Variants in UBE4B observed in about 807,000 individuals in gnomAD.
UBE4B encodes ubiquitination factor E4B.
Under a neutral mutation model 148.1 loss-of-function variants are expected in UBE4B, and 27 were observed. That is an observed-to-expected ratio of 0.18 (90% confidence interval 0.13 to 0.25). The LOEUF (loss-of-function observed/expected upper bound fraction) is 0.25, where lower values mean the gene tolerates loss of function less well. Ranked by LOEUF, UBE4B falls within the 10% of genes least tolerant of loss-of-function variation. UBE4B has a pLI of 1.00. For missense variants in UBE4B, 1,170 were observed against 1,662.4 expected (o/e 0.70, Z 5.15); for synonymous variants, 596 against 619.3 (o/e 0.96, Z 0.56).
At chr1:10,179,305 C>T in intron 26 of UBE4B, 111 bp from the exon 27 acceptor site, 1 of 1,424,298 alleles carries the variant, frequency 7.0e-7, no homozygotes, top group Non-Finnish European at 9.5e-7. Flanking sequence ...CACAGGGGCC[C>T]TTTGATTGCT....
chr1:10,163,573 C>G (rs1250768754), intron 23 of UBE4B, among the ~76,000 whole-genome samples: 1 of 151,704 alleles, frequency 6.6e-6, no homozygotes, highest in Non-Finnish European at 1.5e-5. Context: ...GAGGCTGAGG[C>G]AGGATAATTG....
intron 1 of UBE4B, among the ~76,000 whole-genome samples, chr1:10,047,321 G>C (rs1238399117): frequency 6.6e-6 from 1 of 151,912 alleles, no homozygotes; most frequent in Non-Finnish European, 1.5e-5. Flanking sequence ...CCTGCTAGGG[G>C]GCCAGACTCA....
chr1:10,160,516 T>G (rs1241707915), intron 22 of UBE4B, among the ~76,000 whole-genome samples: 1 of 152,168 alleles, frequency 6.6e-6, no homozygotes, highest in Non-Finnish European at 1.5e-5. Flanking sequence ...TGTGACTGTT[T>G]CCTCTGTTGC....
chr1:10,139,568 A>C (rs1645753255), intron 17 of UBE4B, among the ~76,000 whole-genome samples: 1 of 152,172 alleles, frequency 6.6e-6, no homozygotes, highest in Non-Finnish European at 1.5e-5. Context: ...TATGGATTTA[A>C]GACAGTTAAT....
At chr1:10,158,010 T>C (rs1159431023) in intron 21 of UBE4B, among the ~76,000 whole-genome samples, 2 of 152,158 alleles carry the variant, frequency 1.3e-5, no homozygotes, top group African/African-American at 4.8e-5. Flanking sequence ...GTATGTCCAT[T>C]TGAGGTGCCA....
intron 2 of UBE4B, among the ~76,000 whole-genome samples, chr1:10,089,497 G>C (rs1234633630): frequency 7.2e-6 from 1 of 139,458 alleles, no homozygotes; most frequent in African/African-American, 2.8e-5. Context: ...CTGAGAACAT[G>C]TCTCTGAAAA....
chr1:10,178,526 T>C (rs1646460629), intron 25 of UBE4B, 118 bp from the exon 26 acceptor site: 1 of 998,428 alleles, frequency 1.0e-6, no homozygotes, highest in Non-Finnish European at 1.4e-6. Context: ...TATATAATTT[T>C]AGGGCTTTTT....
At chr1:10,036,726 T>A (rs1643551026) in intron 1 of UBE4B, among the ~76,000 whole-genome samples, 1 of 152,196 alleles carries the variant, frequency 6.6e-6, no homozygotes, top group South Asian at 2.1e-4. Flanking sequence ...GCCTTTGTAT[T>A]GTTACTCTGT....
chr1:10,163,346 T>C (rs1210512991), intron 23 of UBE4B: 1 of 152,144 alleles, frequency 6.6e-6, no homozygotes, highest in Non-Finnish European at 1.5e-5. Flanking sequence ...GAGGATGACA[T>C]GCAAATTCAT....
chr1:10,166,972 A>ACACACACAC (rs1557612300), intron 23 of UBE4B, among the ~76,000 whole-genome samples: 3 of 120,328 alleles, frequency 2.5e-5, no homozygotes, highest in African/African-American at 6.7e-5. Context: ...CACACACACA[A>ACACACACAC]AAAAAAAAAA....
chr1:10,117,690 T>A, intron 8 of UBE4B, 90 bp downstream of exon 8: 1 of 1,415,304 alleles, frequency 7.1e-7, no homozygotes, highest in Non-Finnish European at 9.3e-7. Flanking sequence ...ATTTATTCAA[T>A]CAGTAAAGCA....
At chr1:10,116,658 C>T (rs997526742) in intron 7 of UBE4B, among the ~76,000 whole-genome samples, 1 of 152,080 alleles carries the variant, frequency 6.6e-6, no homozygotes, top group African/African-American at 2.4e-5. Context: ...CAAATTTAAC[C>T]CTTGTGCTTA....
intron 2 of UBE4B, among the ~76,000 whole-genome samples, chr1:10,082,375 C>T (rs948123264): frequency 1.3e-5 from 2 of 152,030 alleles, no homozygotes; most frequent in East Asian, 1.9e-4. Flanking sequence ...GTAGTGCGCA[C>T]CTGTAGGCCC....
Position 10,072,446 on chromosome 1 carries a change from T to TC in UBE4B, c.211+233dup, listed in dbSNP as rs944959280. 8.8e-6 allele frequency: 6 copies of TC among 682,290 alleles called. No homozygotes were observed. In the African/African-American group the frequency reaches 1.1e-4, roughly 13 times the overall value. The allele number at this position is 682,290 out of a possible 1,614,324, so 42.3% of individuals were successfully genotyped here. On this transcript the variant is annotated intron_variant, in intron 2 of 27. Transcript: ENST00000343090. ...TCCATAACTTCCATCTTTTTTTTTT[T>TC]CAAACAGGTTTAGGTATTATCTCTG...
chr1:10,035,053 C>T (rs1003300943), intron 1 of UBE4B, among the ~76,000 whole-genome samples: 8 of 152,072 alleles, frequency 5.3e-5, no homozygotes, highest in Non-Finnish European at 1.2e-4. Flanking sequence ...GGCTGCAGTG[C>T]AGTGGCGCGA....
intron 7 of UBE4B, among the ~76,000 whole-genome samples, chr1:10,115,696 G>A (rs1645297167): frequency 6.6e-6 from 1 of 152,182 alleles, no homozygotes; most frequent in African/African-American, 2.4e-5. Context: ...TCGTTAGGCA[G>A]ATTGGTCATT....
intron 25 of UBE4B, among the ~76,000 whole-genome samples, chr1:10,175,290 C>T (rs1451991129): frequency 1.3e-5 from 2 of 151,984 alleles, no homozygotes; most frequent in South Asian, 2.1e-4. Flanking sequence ...ATCTGTCGTC[C>T]ATGAAGCATT....
rs1041272328 is a variant in UBE4B, at chr1:10,107,198, C to A, written c.1196+615C>A. 2.9e-5 allele frequency: 38 copies of A among 1,289,334 alleles called. No individual in the cohort carries two copies. The African/African-American group carries it at 5.6e-4, about 19-fold the overall frequency. The allele number at this position is 1,289,334 out of a possible 1,614,324, so 79.9% of individuals were successfully genotyped here. On this transcript the variant is annotated intron_variant, in intron 7 of 27. Coordinates refer to ENST00000343090, the MANE Select transcript of UBE4B (RefSeq NM_001105562.3). ...TTGTTTTTTCTTTGTTCTCTGATGGCCTTTTTTGCTTTTGTTGTGGTAGTA... is the reference window on the plus strand; with the variant it reads ...TTGTTTTTTCTTTGTTCTCTGATGGACTTTTTTGCTTTTGTTGTGGTAGTA...
chr1:10,122,104 A>G (rs765983079), intron 10 of UBE4B, 28 bp downstream of exon 10: 1 of 1,526,770 alleles, frequency 6.5e-7, no homozygotes, highest in South Asian at 1.2e-5. Flanking sequence ...TGCTCTTGCA[A>G]ATTTTAGCCT....
Sources: gnomAD v4.1 joint callset for allele counts (sites outside exome capture counted in the v4.1 genomes callset) on GRCh38, gnomAD v4.1.1 for gene constraint, MANE v1.5 for transcripts, NCBI Gene and HGNC (gene_info 2026-07-23, HGNC 2026-07-21) for gene names.